The following PCM1 variants were observed in gnomAD, a reference collection of about 807,000 sequenced individuals.
The protein encoded by PCM1 is pericentriolar material 1 protein.
Under a neutral mutation model 241.9 loss-of-function variants are expected in PCM1, and 157 were observed. The ratio of observed to expected loss-of-function variants is 0.65; its 90% CI spans 0.57 to 0.74. The LOEUF (loss-of-function observed/expected upper bound fraction) is 0.74. Ranked by LOEUF, PCM1 falls within the 30% of genes least tolerant of loss-of-function variation. The probability of loss-of-function intolerance (pLI) is 0.00; values close to 1 mark genes in which losing one functional copy is unlikely to be tolerated. For synonymous variants in PCM1, 1,085 were observed against 784.9 expected (o/e 1.38, Z -6.39); for missense variants, 3,478 against 2,360.1 (o/e 1.47, Z -9.81).
intron 30 of PCM1, among the ~76,000 whole-genome samples, chr8:18,007,504 T>G (rs1427063154): frequency 6.6e-6 from 1 of 152,176 alleles, no homozygotes; most frequent in Non-Finnish European, 1.5e-5. Flanking sequence ...TAAATATTTT[T>G]TATCAAGATC....
intron 24 of PCM1, among the ~76,000 whole-genome samples, chr8:17,985,163 T>A (rs984245761): frequency 1.3e-5 from 2 of 151,922 alleles, no homozygotes; most frequent in Non-Finnish European, 3.0e-5. Context: ...TATAATATTT[T>A]CTGTATATTT....
At chr8:17,976,974 C>G (rs1021095595) in intron 23 of PCM1, among the ~76,000 whole-genome samples, 3 of 151,650 alleles carry the variant, frequency 2.0e-5, no homozygotes, top group African/African-American at 7.3e-5. Flanking sequence ...TTTAAAGTAC[C>G]TATTGGGACT....
chr8:17,944,765 T>C (rs117251672), intron 6 of PCM1, among the ~76,000 whole-genome samples: 2,566 of 152,266 alleles, frequency 0.017, 40 homozygotes, highest in South Asian at 0.043. Flanking sequence ...GCTCAGTTTT[T>C]TTGAGCATCA....
At chr8:17,956,833 T>C (rs767425844) in intron 11 of PCM1, 56 bp downstream of exon 11, 40 of 1,310,488 alleles carry the variant, frequency 3.1e-5, no homozygotes, top group African/African-American at 1.8e-4. Context: ...TTGATACTTA[T>C]AATGTGGGAA....
chr8:17,975,539 C>G (rs2078456020), intron 23 of PCM1, among the ~76,000 whole-genome samples: 1 of 151,994 alleles, frequency 6.6e-6, no homozygotes, highest in African/African-American at 2.4e-5. Context: ...CAAATTGTTA[C>G]TACAGTAAGA....
At chr8:18,010,966 G>C (rs2092412598) in intron 32 of PCM1, among the ~76,000 whole-genome samples, 1 of 152,084 alleles carries the variant, frequency 6.6e-6, no homozygotes. Context: ...GAGCTAGACT[G>C]TGCCTCAAAA....
rs1173410324 is a variant in PCM1 at position 17,993,619 on chromosome 8, G to A, written c.4827G>A (p.Lys1609=). The change falls in exon 29 of 39, where the codon AAG becomes AAA. Residue 1609 remains lysine, a splice_region_variant and synonymous_variant. Transcript: ENST00000325083. The part of the protein sequence containing the change: ...AIMKEVIPFL[K]EHMDEVCSSQ... ...TGAAAGAAGTCATTCCTTTTTTGAAGGTAAGCAATTATTTTAAAAAATAAA... is the reference window on the plus strand; with the variant it reads ...TGAAAGAAGTCATTCCTTTTTTGAAAGTAAGCAATTATTTTAAAAAATAAA... 68 of 1,572,590 alleles carry A rather than the reference G, an allele frequency of 4.3e-5. No homozygotes were observed. The highest frequency in any genetic ancestry group is 5.8e-5 in the Non-Finnish European group (67 of 1,159,054).
At position 17,956,677 on chromosome 8, in the gene PCM1, A is replaced by G; in HGVS notation, c.1546A>G (p.Met516Val). Residue 516 changes from methionine (M) to valine (V), a missense_variant, in exon 11 of 39, where the codon ATG (methionine) becomes GTG (valine). Coordinates refer to ENST00000325083, the MANE Select transcript of PCM1 (RefSeq NM_006197.4). Reference protein sequence around the residue: ...LVHYYEQTSDMMTDAVNENRK... With the variant: ...LVHYYEQTSDVMTDAVNENRK... ...TCATTATTATGAACAAACGTCAGAC[A>G]TGATGACAGATGCTGTGAATGAAAA... 1.9e-6 allele frequency: 3 copies of G among 1,599,032 alleles called. No homozygotes were observed. The highest frequency in any genetic ancestry group is 2.6e-6 in the Non-Finnish European group (3 of 1,168,574).
At position 17,967,070 on chromosome 8, in the gene PCM1, C is replaced by G; in HGVS notation, c.3312C>G (p.His1104Gln). Residue 1104 changes from histidine (H) to glutamine (Q), a missense_variant, in exon 21 of 39, where the codon CAC becomes CAG. Transcript: ENST00000325083. ...GGKERGSSAS[H>Q]PPSPSLFCPF... ...AGGAAAGAGGCAGTAGTGCATCGCA[C>G]CCTCCTTCTCCCAGTTTATTTTGTC... 4 of 1,609,014 alleles carry G rather than the reference C, an allele frequency of 2.5e-6. No homozygotes were observed. The highest frequency in any genetic ancestry group is 3.4e-6 in the Non-Finnish European group (4 of 1,177,380).
chr8:17,998,675 C>G (rs994056528), intron 29 of PCM1, among the ~76,000 whole-genome samples: 2 of 152,152 alleles, frequency 1.3e-5, no homozygotes, highest in Admixed American at 1.3e-4. Context: ...ACCTGACTAC[C>G]GCCTAAATTT....
At chr8:17,958,046 A>G (rs928476636) in intron 13 of PCM1, among the ~76,000 whole-genome samples, 5 of 152,228 alleles carry the variant, frequency 3.3e-5, no homozygotes, top group African/African-American at 9.6e-5. Context: ...TAATACATAA[A>G]TGAGAATGAT....
intron 29 of PCM1, among the ~76,000 whole-genome samples, chr8:18,004,065 A>G (rs2090506207): frequency 6.6e-6 from 1 of 152,146 alleles, no homozygotes. Context: ...AAAAGCCTAA[A>G]TGATCTATCC....
At chr8:17,966,865 A>G (rs1334973764) in intron 20 of PCM1, 115 bp from the exon 21 acceptor site, 2 of 890,118 alleles carry the variant, frequency 2.2e-6, no homozygotes, top group South Asian at 1.6e-5. Context: ...TTACAGTATC[A>G]GAGCAGTTTG....
At chr8:17,989,817 T>C in intron 26 of PCM1, 42 bp from the exon 27 acceptor site, 1 of 1,329,118 alleles carries the variant, frequency 7.5e-7, no homozygotes, top group Non-Finnish European at 1.0e-6. Context: ...TATGAAATTC[T>C]TAGAAGTATT....
intron 2 of PCM1, 35 bp from the exon 3 acceptor site, chr8:17,935,554 G>A (rs974717596): frequency 1.2e-5 from 9 of 720,380 alleles, no homozygotes; most frequent in African/African-American, 1.2e-4. Flanking sequence ...TTGTTTTTAT[G>A]TGTTATAAAG....
At chr8:18,004,663 T>G (rs930807527) in intron 29 of PCM1, among the ~76,000 whole-genome samples, 9 of 152,216 alleles carry the variant, frequency 5.9e-5, no homozygotes, top group Non-Finnish European at 1.2e-4. Flanking sequence ...ACTTCTTTGT[T>G]AATTATGCCC....
chr8:17,975,651 T>G (rs913223253), intron 23 of PCM1, among the ~76,000 whole-genome samples: 1 of 152,156 alleles, frequency 6.6e-6, no homozygotes, highest in Non-Finnish European at 1.5e-5. Context: ...AGAGATATGG[T>G]ACAGCCAGTT....
rs2061254159 is a variant in PCM1 at position 17,939,027 on chromosome 8, T to G, written c.612+18T>G. On this transcript the variant is annotated intron_variant, in intron 5 of 38. Coordinates refer to ENST00000325083, the MANE Select transcript of PCM1 (RefSeq NM_006197.4). ...GCAGCCAGGTGATAACGTTTGTTTC[T>G]TTTGCTCATTCTTTACACAAACCTC... 1.2e-6 allele frequency: 2 copies of G among 1,611,910 alleles called. No homozygotes were observed. The highest frequency in any genetic ancestry group is 1.7e-6 in the Non-Finnish European group (2 of 1,178,686).
At chr8:17,927,296 A>T (rs2057368735) in intron 2 of PCM1, 1 of 151,800 alleles carries the variant, frequency 6.6e-6, no homozygotes, top group Admixed American at 6.6e-5. Flanking sequence ...ACACGTGGCT[A>T]ATATTTGCGT....
Sources: gnomAD v4.1 joint callset for allele counts (sites outside exome capture counted in the v4.1 genomes callset) on GRCh38, gnomAD v4.1.1 for gene constraint, MANE v1.5 for transcripts, NCBI Gene and HGNC (gene_info 2026-07-23, HGNC 2026-07-21) for gene names.